Variants in PHKB observed in about 807,000 individuals in gnomAD.
The protein encoded by PHKB is phosphorylase b kinase regulatory subunit beta.
In PHKB, 122 loss-of-function variants were observed where a neutral mutation model predicts 152.1. The observed-to-expected ratio is 0.80, with a 90% CI of 0.69 to 0.93. The LOEUF is 0.93. PHKB is among the 40% of genes least tolerant of loss of function. The pLI is 0.00. For missense variants in PHKB, 1,304 were observed against 1,328.4 expected, an observed-to-expected ratio of 0.98 and a Z score of 0.29; for synonymous variants, 436 against 464.9, an observed-to-expected ratio of 0.94 and a Z score of 0.80.
At chr16:47,500,715 A>T (rs987850340) in intron 3 of PHKB, among the ~76,000 whole-genome samples, 2 of 152,086 alleles carry the variant, frequency 1.3e-5, no homozygotes, top group Non-Finnish European at 2.9e-5. Context: ...AAAAAAAAGA[A>T]ATAGTTAGAC....
At chr16:47,478,733 G>A (rs1392074471) in intron 1 of PHKB, among the ~76,000 whole-genome samples, 1 of 152,088 alleles carries the variant, frequency 6.6e-6, no homozygotes, top group East Asian at 1.9e-4. Context: ...TTATTAGGAT[G>A]CTGATAATCA....
intron 3 of PHKB, among the ~76,000 whole-genome samples, chr16:47,501,811 C>T (rs1970329115): frequency 6.6e-6 from 1 of 152,090 alleles, no homozygotes; most frequent in Admixed American, 6.5e-5. Flanking sequence ...AGATATTAAC[C>T]TTTTCCCAGA....
At chr16:47,654,561 A>G (rs1973298574) in intron 20 of PHKB, among the ~76,000 whole-genome samples, 1 of 152,202 alleles carries the variant, frequency 6.6e-6, no homozygotes, top group Admixed American at 6.5e-5. Context: ...CCAAATGTCC[A>G]ACAATGATAG....
intron 25 of PHKB, among the ~76,000 whole-genome samples, chr16:47,667,415 C>CAAT (rs755016880): frequency 5.1e-4 from 77 of 152,216 alleles, no homozygotes; most frequent in Non-Finnish European, 8.8e-4. Flanking sequence ...GGCAACACAG[C>CAAT]AATACCCTGT....
rs1209033417 is a variant in PHKB, at chr16:47,699,574, C to A, written c.*208C>A. 4.8e-6 allele frequency: 3 copies of A among 624,628 alleles called. No homozygotes were observed. The highest frequency in any genetic ancestry group is 1.8e-5 in the African/African-American group (1 of 55,156). 38.7% of individuals were successfully genotyped at this position (624,628 alleles called of 1,614,324 possible). A position where few individuals can be genotyped will look rare whatever the true frequency, so the allele number is the denominator to read the frequency against. ...GCTTTTAATCAAGCAGGAAAAAGTT[C>A]TCATGATTATGCCAACTATAATAGT... On this transcript the variant is annotated 3_prime_UTR_variant, in exon 31 of 31. Coordinates refer to ENST00000323584, the MANE Select transcript of PHKB (RefSeq NM_000293.3).
intron 14 of PHKB, among the ~76,000 whole-genome samples, chr16:47,628,846 C>G (rs953437848): frequency 4.6e-4 from 70 of 152,020 alleles, no homozygotes; most frequent in Non-Finnish European, 9.4e-4. Context: ...TGGAACAGAA[C>G]AGAGCCCTCA....
intron 4 of PHKB, 44 bp from the exon 5 acceptor site, chr16:47,511,621 G>A: frequency 7.6e-7 from 1 of 1,312,006 alleles, no homozygotes; most frequent in Non-Finnish European, 1.1e-6. Context: ...TCTTGGATAA[G>A]TTTATGAATT....
In PHKB at chr16:47,588,893, C is replaced by T. The variant is rs1471629537; in HGVS notation, c.871-12C>T. On this transcript the variant is annotated splice_polypyrimidine_tract_variant and intron_variant, in intron 9 of 30. Transcript: ENST00000323584. ...GTGGACACTCACAGTCTCTCTTTCT[C>T]ATTGCCTCCAGAATACAGATGCTGC... The T allele has an allele frequency of 6.2e-7, 1 of 1,610,564 alleles. No homozygotes were observed. Among genetic ancestry groups the T allele is most frequent in the African/African-American group, 1.3e-5 (1 of 74,852 alleles).
chr16:47,566,028 C>T (rs1567308532), intron 7 of PHKB: 2 of 694,094 alleles, frequency 2.9e-6, no homozygotes, highest in South Asian at 3.5e-5. Context: ...ACAGTCCTCA[C>T]CTCCTCTGTA....
intron 4 of PHKB, among the ~76,000 whole-genome samples, chr16:47,506,275 A>G (rs1031016112): frequency 6.6e-6 from 1 of 152,128 alleles, no homozygotes; most frequent in East Asian, 1.9e-4. Context: ...AAAATAAAAA[A>G]AAATCATTAA....
chr16:47,696,277 T>C (rs1328757957), intron 28 of PHKB, 104 bp from the exon 29 acceptor site: 1 of 738,806 alleles, frequency 1.4e-6, no homozygotes, highest in Admixed American at 2.0e-5. Context: ...TCCAAGGTTT[T>C]ATAAAAACTG....
intron 28 of PHKB, 152 bp from the exon 29 acceptor site, chr16:47,696,229 G>A: frequency 1.5e-6 from 1 of 681,914 alleles, no homozygotes; most frequent in East Asian, 2.7e-5. Context: ...TTAGTAGTTT[G>A]ACATATATAA....
intron 14 of PHKB, among the ~76,000 whole-genome samples, chr16:47,629,435 AC>A (rs1345072224): frequency 2.0e-5 from 3 of 152,102 alleles, no homozygotes; most frequent in African/African-American, 4.8e-5. Context: ...GGTCATCATC[AC>A]TGGCCATCAG....
chr16:47,531,570 C>G (rs1567294530), intron 6 of PHKB, among the ~76,000 whole-genome samples: 1 of 152,034 alleles, frequency 6.6e-6, no homozygotes, highest in Non-Finnish European at 1.5e-5. Flanking sequence ...AATAACTTTT[C>G]CAAAATAAAA....
intron 7 of PHKB, among the ~76,000 whole-genome samples, chr16:47,559,714 C>G (rs1179669091): frequency 6.6e-6 from 1 of 152,170 alleles, no homozygotes; most frequent in Non-Finnish European, 1.5e-5. Flanking sequence ...GTTTTCCTGT[C>G]TATGACCTAG....
rs1974233739 is a variant in PHKB at position 47,700,686 on chromosome 16, A to G, written c.*1320A>G. 1 of 151,990 alleles carries G rather than the reference A, an allele frequency of 6.6e-6. No homozygotes were observed. Among genetic ancestry groups the G allele is most frequent in the Non-Finnish European group, 1.5e-5 (1 of 67,976 alleles). The allele number at this position is 151,990 out of a possible 1,614,324, so 9.4% of individuals were successfully genotyped here. A position where few individuals can be genotyped will look rare whatever the true frequency, so the allele number is the denominator to read the frequency against. On this transcript the variant is annotated 3_prime_UTR_variant, in exon 31 of 31. Transcript: ENST00000323584. ...TAAATAGAAAAAAAAAAGGCCCATGAGTTTGAGCCCTTGCCCCAAAGAGAG... is the reference window on the plus strand; with the variant it reads ...TAAATAGAAAAAAAAAAGGCCCATGGGTTTGAGCCCTTGCCCCAAAGAGAG...
At position 47,585,569 on chromosome 16, in the gene PHKB, C is replaced by G. The variant is rs1459604909; in HGVS notation, c.775-2099C>G. 7.9e-5 allele frequency among the ~76,000 whole-genome samples: 12 copies of G among 152,066 alleles called. 1 individual carries two copies. The highest frequency in any genetic ancestry group is 2.6e-4 in the Admixed American group (4 of 15,268). ...TGCCCATGACCTGGGGAGATTTTACCCTCCTGGAAATCTGGACCGTAATGC... is the reference window on the plus strand; with the variant it reads ...TGCCCATGACCTGGGGAGATTTTACGCTCCTGGAAATCTGGACCGTAATGC... On this transcript the variant is annotated intron_variant, in intron 8 of 30. Transcript: ENST00000323584.
At position 47,610,853 on chromosome 16, in the gene PHKB, T is replaced by A. The variant is rs1567326518; in HGVS notation, c.1391T>A (p.Ile464Asn). 1 of 1,608,522 alleles carries A rather than the reference T, an allele frequency of 6.2e-7. No individual in the cohort carries two copies. Among genetic ancestry groups the A allele is most frequent in the East Asian group, 2.2e-5 (1 of 44,858 alleles). ...GATGAACTTATTAGTCCTAAAGACA[T>A]TGATCCTGTCCAGCGCTATGTCCCA... ...LADELISPKD[I>N]DPVQRYVPLK... The change falls in exon 14 of 31, where the codon ATT (isoleucine) becomes AAT (asparagine). Residue 464 changes from isoleucine to asparagine, a missense_variant. By Grantham distance (149) the Ile-to-Asn change is moderately radical. Coordinates refer to ENST00000323584, the MANE Select transcript of PHKB (RefSeq NM_000293.3).
intron 7 of PHKB, among the ~76,000 whole-genome samples, chr16:47,549,523 C>G (rs1971233944): frequency 6.6e-6 from 1 of 151,880 alleles, no homozygotes; most frequent in African/African-American, 2.4e-5. Flanking sequence ...CAACCTGTCT[C>G]TACTTAAAAA....
Sources: gnomAD v4.1 joint callset for allele counts (sites outside exome capture counted in the v4.1 genomes callset) on GRCh38, gnomAD v4.1.1 for gene constraint, MANE v1.5 for transcripts, NCBI Gene and HGNC (gene_info 2026-07-23, HGNC 2026-07-21) for gene names.